Variants in UBN2 observed in about 807,000 individuals in gnomAD.
UBN2 encodes the protein ubinuclein 2, also known as ubinuclein-2.
A neutral mutation model predicts 120.2 loss-of-function variants in UBN2; 35 were observed. That is an observed-to-expected ratio of 0.29 (90% CI 0.22 to 0.39). UBN2 has a LOEUF of 0.39. UBN2 is among the 10% of genes least tolerant of loss of function. UBN2 has a pLI of 1.00. For synonymous variants in UBN2, 661 were observed against 648.7 expected (o/e 1.02, Z -0.29); for missense variants, 1,693 against 1,663.2 (o/e 1.02, Z -0.31).
At position 139,257,249 on chromosome 7, in the gene UBN2, G is replaced by C. The variant is rs780898488; in HGVS notation, c.664-1239G>C. On this transcript the variant is annotated intron_variant, in intron 3 of 17. Transcript: ENST00000473989. ...AGATCTAGCCTTTGGGAACATAAGT[G>C]TGATTTAAACAAATTGAGTTCCTTG... is the stretch of plus-strand genomic sequence containing the variant. 2.6e-5 allele frequency among the ~76,000 whole-genome samples: 4 copies of C among 152,300 alleles called. No homozygotes were observed. The East Asian group carries it at 5.8e-4, about 22-fold the overall frequency.
intron 15 of UBN2, among the ~76,000 whole-genome samples, chr7:139,288,083 G>A (rs1432551277): frequency 6.6e-6 from 1 of 152,064 alleles, no homozygotes; most frequent in East Asian, 1.9e-4. Flanking sequence ...TCCTGTCTTT[G>A]CCACTTTATA....
At chr7:139,259,511 T>A in intron 5 of UBN2, 141 bp downstream of exon 5, 2 of 1,172,132 alleles carry the variant, frequency 1.7e-6, no homozygotes, top group Non-Finnish European at 2.3e-6. Context: ...GACTTATGTT[T>A]AATAGTATTG....
downstream of UBN2, among the ~76,000 whole-genome samples, chr7:139,309,075 A>T (rs146545623): frequency 4.8e-3 from 725 of 152,344 alleles, 6 homozygotes; most frequent in African/African-American, 0.017. Flanking sequence ...CAACAACAAA[A>T]AAAAGAAATT....
intron 17 of UBN2, among the ~76,000 whole-genome samples, chr7:139,295,969 T>C (rs1173126949): frequency 6.6e-6 from 1 of 152,202 alleles, no homozygotes; most frequent in Non-Finnish European, 1.5e-5. Context: ...CATTTTAAAG[T>C]GTAAGTCACT....
the UBN2 span, among the ~76,000 whole-genome samples, chr7:139,320,557 T>C: frequency 0.037 from 5,676 of 151,948 alleles, 326 homozygotes; most frequent in African/African-American, 0.12. Flanking sequence ...AAAACAAAAA[T>C]TCTGGCAAAG....
intron 7 of UBN2, among the ~76,000 whole-genome samples, chr7:139,267,776 G>A (rs183130294): frequency 1.2e-4 from 19 of 152,276 alleles, no homozygotes; most frequent in Admixed American, 1.2e-3. Context: ...CCGCTAGTAT[G>A]GTGGCAGAGG....
intron 15 of UBN2, among the ~76,000 whole-genome samples, chr7:139,291,722 C>G (rs185780507): frequency 2.0e-5 from 3 of 151,836 alleles, no homozygotes; most frequent in African/African-American, 7.3e-5. Context: ...TGGTGGCACA[C>G]GCCTGTCTGT....
At chr7:139,284,653 CT>C in intron 15 of UBN2, 79 bp downstream of exon 15, 1 of 1,260,200 alleles carries the variant, frequency 7.9e-7, no homozygotes, top group African/African-American at 1.5e-5. Flanking sequence ...CTTTAATAAG[CT>C]TTTTATGATA....
At chr7:139,247,006 C>T (rs1354324392) in intron 2 of UBN2, among the ~76,000 whole-genome samples, 1 of 152,106 alleles carries the variant, frequency 6.6e-6, no homozygotes, top group Non-Finnish European at 1.5e-5. Context: ...TGCCATGAGT[C>T]AAGTTGCTAT....
rs969358442 is a variant in UBN2 at position 139,307,955 on chromosome 7, C to T, written c.*10119C>T. 2 of 151,336 alleles carry T rather than the reference C, an allele frequency of 1.3e-5. No individual in the cohort carries two copies. The highest frequency in any genetic ancestry group is 4.9e-5 in the African/African-American group (2 of 41,178). The allele number at this position is 151,336 out of a possible 1,614,324, so 9.4% of individuals were successfully genotyped here. A position where few individuals can be genotyped will look rare whatever the true frequency, so the allele number is the denominator to read the frequency against. On this transcript the variant is annotated 3_prime_UTR_variant, in exon 18 of 18. Coordinates refer to ENST00000473989, the MANE Select transcript of UBN2 (RefSeq NM_173569.4). ...GGATATGTGAGAGGGCATAAACATT[C>T]CTAAATATGGACCTGTGAATTTAGT...
At position 139,264,908 on chromosome 7, in the gene UBN2, A is replaced by T. The variant is rs144299640; in HGVS notation, c.1396-1425A>T. ...GCCTACACTATTTTTTAATTAATAC[A>T]TATAAGATGTAGATATTTTTGGGGT... On this transcript the variant is annotated intron_variant, in intron 6 of 17. Transcript: ENST00000473989. Among the ~76,000 whole-genome samples, 247 of 152,270 alleles carry T rather than the reference A, an allele frequency of 1.6e-3. 1 individual carries two copies. The highest frequency in any genetic ancestry group is 5.3e-3 in the African/African-American group (221 of 41,558).
chr7:139,263,317 A>G (rs1049782848), intron 6 of UBN2, among the ~76,000 whole-genome samples: 2 of 152,210 alleles, frequency 1.3e-5, no homozygotes, highest in Admixed American at 6.5e-5. Flanking sequence ...ACTAAATTGC[A>G]TACCAAGGAT....
chr7:139,317,325 C>G, the UBN2 span, among the ~76,000 whole-genome samples: 1 of 152,196 alleles, frequency 6.6e-6, no homozygotes, highest in Non-Finnish European at 1.5e-5. Flanking sequence ...GTGCATACCA[C>G]CACGCCCAGC....
Position 139,231,337 on chromosome 7 carries a change from C to T in UBN2, c.-148C>T, listed in dbSNP as rs932030813. ...GTAGTAGCGGGGAAGGGGACACGGT[C>T]CGCACTCACCGTGGCGCCGGCGGAG... On this transcript the variant is annotated 5_prime_UTR_variant, in exon 1 of 18. Coordinates refer to ENST00000473989, the MANE Select transcript of UBN2 (RefSeq NM_173569.4). 1 of 601,444 alleles carries T rather than the reference C, an allele frequency of 1.7e-6. No homozygotes were observed. Among genetic ancestry groups the T allele is most frequent in the Middle Eastern group, 4.1e-4 (1 of 2,420 alleles). 37.3% of individuals were successfully genotyped at this position (601,444 alleles called of 1,614,324 possible).
At chr7:139,311,597 C>G (rs1313359138), downstream of UBN2, among the ~76,000 whole-genome samples, 2 of 152,230 alleles carry the variant, frequency 1.3e-5, no homozygotes, top group Non-Finnish European at 2.9e-5. Flanking sequence ...CAGTGCCTAG[C>G]ACATAATAAG....
In UBN2 at chr7:139,305,816, T is replaced by G. The variant is rs1251748919; in HGVS notation, c.*7980T>G. ...TGCTACTGTATAATGCGGCATTTCATGACTTCCTCTTGTTACTTTTCAAGG... is the reference window on the plus strand; with the variant it reads ...TGCTACTGTATAATGCGGCATTTCAGGACTTCCTCTTGTTACTTTTCAAGG... On this transcript the variant is annotated 3_prime_UTR_variant, in exon 18 of 18. Coordinates refer to ENST00000473989, the MANE Select transcript of UBN2 (RefSeq NM_173569.4). 6.6e-6 allele frequency: 1 copy of G among 152,196 alleles called. No homozygotes were observed. 9.4% of individuals were successfully genotyped at this position (152,196 alleles called of 1,614,324 possible).
Position 139,261,433 on chromosome 7 carries a change from G to A in UBN2, c.1087G>A (p.Ala363Thr). ...TCTGAATAAACCCCCATGTGCTGCTGCAGCACTGGGGAATGACGTCCCGGA... is the reference window on the plus strand; with the variant it reads ...TCTGAATAAACCCCCATGTGCTGCTACAGCACTGGGGAATGACGTCCCGGA... The part of the protein sequence containing the change: ...PSLNKPPCAA[A>T]ALGNDVPDLN... Residue 363 changes from alanine (A) to threonine (T), a missense_variant, in exon 6 of 18, where the codon GCA becomes ACA. This residue lies in a region of UBN2 where 663 missense variants were observed against 591.2 expected (regional missense o/e 1.12). Transcript: ENST00000473989. 1 of 1,614,228 alleles carries A rather than the reference G, an allele frequency of 6.2e-7. No individual in the cohort carries two copies.
At chr7:139,314,437 C>CTG in the UBN2 span, among the ~76,000 whole-genome samples, 1 of 151,506 alleles carries the variant, frequency 6.6e-6, no homozygotes, top group Non-Finnish European at 1.5e-5. Context: ...CCAGCCTGGG[C>CTG]GACAAAGAGA....
chr7:139,313,216 T>C (rs1404240525), downstream of UBN2, among the ~76,000 whole-genome samples: 4 of 152,218 alleles, frequency 2.6e-5, no homozygotes, highest in East Asian at 7.7e-4. Context: ...ATTCACATTC[T>C]TTGGGGCCTA....
Sources: gnomAD v4.1 joint callset for allele counts (sites outside exome capture counted in the v4.1 genomes callset) on GRCh38, gnomAD v4.1.1 for gene constraint, gnomAD v4.1.1 regional missense constraint, MANE v1.5 for transcripts, NCBI Gene and HGNC (gene_info 2026-07-23, HGNC 2026-07-21) for gene names.